Variants in PTCD3 observed in about 807,000 individuals in gnomAD.
PTCD3 encodes the protein small ribosomal subunit protein mS39.
A neutral mutation model predicts 101.9 loss-of-function variants in PTCD3; 89 were observed. The ratio of observed to expected loss-of-function variants is 0.87; its 90% CI spans 0.74 to 1.04. The LOEUF is 1.04. Among genes scored for constraint, PTCD3 ranks in the 50% least tolerant of loss-of-function variants. The pLI is 0.00. For missense variants in PTCD3, 870 were observed against 828.2 expected (o/e 1.05, Z -0.62); for synonymous variants, 296 against 278.5 (o/e 1.06, Z -0.63).
intron 13 of PTCD3, 73 bp from the exon 14 acceptor site, chr2:86,127,865 GTCT>G (rs1312194872): frequency 1.8e-6 from 2 of 1,115,550 alleles, no homozygotes; most frequent in East Asian, 4.7e-5. Context: ...AATTCAGTGT[GTCT>G]CAGTAAACTA....
chr2:86,132,191 A>T, intron 16 of PTCD3, 127 bp from the exon 17 acceptor site: 2 of 566,984 alleles, frequency 3.5e-6, no homozygotes, highest in Non-Finnish European at 6.2e-6. Context: ...CTTATAACTT[A>T]CTTGCTGTCA....
At chr2:86,125,330 T>C in intron 10 of PTCD3, 125 bp from the exon 11 acceptor site, 1 of 1,143,068 alleles carries the variant, frequency 8.7e-7, no homozygotes, top group Non-Finnish European at 1.3e-6. Flanking sequence ...CACTAGAGTA[T>C]GAGCTTCATG....
intron 8 of PTCD3, among the ~76,000 whole-genome samples, chr2:86,121,999 C>A (rs1353418806): frequency 6.6e-6 from 1 of 152,146 alleles, no homozygotes; most frequent in Non-Finnish European, 1.5e-5. Flanking sequence ...GTGCCGGGGC[C>A]CGCCTGTAAG....
At chr2:86,130,116 A>G (rs1340999632) in intron 14 of PTCD3, among the ~76,000 whole-genome samples, 1 of 152,174 alleles carries the variant, frequency 6.6e-6, no homozygotes, top group Non-Finnish European at 1.5e-5. Flanking sequence ...CCTGACCAAC[A>G]TGGGGAAACC....
intron 15 of PTCD3, 65 bp downstream of exon 15, chr2:86,130,802 A>T (rs917441088): frequency 1.3e-6 from 2 of 1,582,550 alleles, no homozygotes; most frequent in African/African-American, 1.4e-5. Flanking sequence ...CCTGAGTACC[A>T]GTTAGAGGCC....
intron 19 of PTCD3, among the ~76,000 whole-genome samples, chr2:86,133,678 C>T (rs1446972947): frequency 1.3e-5 from 2 of 152,170 alleles, no homozygotes; most frequent in Admixed American, 6.5e-5. Context: ...GTTTTGTGCA[C>T]CTGTTGCGGG....
chr2:86,130,101 ACCAG>A (rs1329958316), intron 14 of PTCD3, among the ~76,000 whole-genome samples: 1 of 152,162 alleles, frequency 6.6e-6, no homozygotes, highest in African/African-American at 2.4e-5. Context: ...GGAGTTCAAG[ACCAG>A]CCTGACCAAC....
Position 86,108,520 on chromosome 2 carries a change from C to A in PTCD3, c.178C>A (p.Pro60Thr). 1 of 1,594,306 alleles carries A rather than the reference C, an allele frequency of 6.3e-7. No homozygotes were observed. Among genetic ancestry groups the A allele is most frequent in the African/African-American group, 1.4e-5 (1 of 73,668 alleles). ...DVTGIEEVVI[P>T]KKKTWDKVAV... is the part of the protein sequence containing the mutation. ...ATTAGGGATTGAAGAAGTAGTAATT[C>A]CAAAAAAGAAAACTTGGTAAGTATT... Residue 60 changes from proline (P) to threonine (T), a missense_variant, in exon 3 of 24, where the codon CCA becomes ACA. Transcript: ENST00000254630.
Position 86,137,109 on chromosome 2 carries a change from A to G in PTCD3, c.1948A>G (p.Met650Val). Residue 650 changes from methionine (M) to valine (V), a missense_variant, in exon 23 of 24, where the codon ATG becomes GTG. Coordinates refer to ENST00000254630, the MANE Select transcript of PTCD3 (RefSeq NM_017952.6). ...PICEGLTQRV[M>V]SDFAINQEQK... ...TTGTGAGGGCCTCACCCAGAGAGTAATGAGTGATTTTGCAATCAACCAGGA... is the reference window on the plus strand; with the variant it reads ...TTGTGAGGGCCTCACCCAGAGAGTAGTGAGTGATTTTGCAATCAACCAGGA... The G allele has an allele frequency of 1.3e-6, 2 of 1,596,540 alleles. No homozygotes were observed. The highest frequency in any genetic ancestry group is 1.7e-6 in the Non-Finnish European group (2 of 1,172,824).
chr2:86,112,343 A>C (rs1329851032), intron 4 of PTCD3, among the ~76,000 whole-genome samples: 1 of 148,014 alleles, frequency 6.8e-6, no homozygotes, highest in Non-Finnish European at 1.5e-5. Flanking sequence ...GATGTGAGCC[A>C]CAGTGCCCGG....
Position 86,127,141 on chromosome 2 carries a change from C to G in PTCD3, c.952-20C>G, listed in dbSNP as rs761182921. The G allele has an allele frequency of 6.3e-7, 1 of 1,593,352 alleles. No homozygotes were observed. The highest frequency in any genetic ancestry group is 2.2e-5 in the East Asian group (1 of 44,658). Reference sequence around the variant, plus strand: ...GATTACCCAGGCATGAAAGATACTTCTTGTTTTTTATTCACCTAGGAGCTG... The same window carrying G: ...GATTACCCAGGCATGAAAGATACTTGTTGTTTTTTATTCACCTAGGAGCTG... On this transcript the variant is annotated intron_variant, in intron 12 of 23. Coordinates refer to ENST00000254630, the MANE Select transcript of PTCD3 (RefSeq NM_017952.6).
chr2:86,133,376 C>T lies in PTCD3; in HGVS notation c.1483C>T (p.His495Tyr). 6.2e-7 allele frequency: 1 copy of T among 1,614,134 alleles called. No individual in the cohort carries two copies. The highest frequency in any genetic ancestry group is 8.5e-7 in the Non-Finnish European group (1 of 1,180,000). Residue 495 changes from histidine to tyrosine, a missense_variant, in exon 19 of 24, where the codon CAT (histidine) becomes TAT (tyrosine). Physicochemically the swap from His to Tyr is moderately conservative, Grantham distance 83. Transcript: ENST00000254630. ...AYFPHSQTMI[H>Y]LLQALDVANR... ...CTTTCCCCACTCCCAAACAATGATA[C>T]ATCTTCTCCAAGCATTGGATGTGGC...
rs976458056 is a variant in PTCD3, at chr2:86,106,236, G to A, written c.-12G>A. ...GCACGCTTTCCCAACATGCTCTGCA[G>A]AGAAATCAAAGATGGCGGTTGTATC... is the stretch of plus-strand genomic sequence containing the variant. On this transcript the variant is annotated 5_prime_UTR_variant, in exon 1 of 24. Coordinates refer to ENST00000254630, the MANE Select transcript of PTCD3 (RefSeq NM_017952.6). The A allele has an allele frequency of 6.2e-7, 1 of 1,613,594 alleles. No homozygotes were observed. Among genetic ancestry groups the A allele is most frequent in the Non-Finnish European group, 8.5e-7 (1 of 1,179,798 alleles).
In PTCD3 at chr2:86,134,284, G is replaced by A. The variant is rs771392400; in HGVS notation, c.1544-8G>A. 6.3e-7 allele frequency: 1 copy of A among 1,593,432 alleles called. No individual in the cohort carries two copies. The highest frequency in any genetic ancestry group is 1.1e-5 in the South Asian group (1 of 90,412). On this transcript the variant is annotated splice_polypyrimidine_tract_variant and splice_region_variant and intron_variant, in intron 19 of 23. Transcript: ENST00000254630. ...AATGATCACTCCTTGTTCCTTTCTT[G>A]TTTCAAGATAGTAAAGAATATGGTC...
rs1212230762 is a variant in PTCD3, at chr2:86,137,490, T to C, written c.2001T>C (p.Thr667=). 2 of 1,613,480 alleles carry C rather than the reference T, an allele frequency of 1.2e-6. No homozygotes were observed. Among genetic ancestry groups the C allele is most frequent in the Non-Finnish European group, 1.7e-6 (2 of 1,179,888 alleles). Residue 667 remains threonine (T), a synonymous_variant, in exon 24 of 24, where the codon ACT becomes ACC. Transcript: ENST00000254630. ...ACAGGGAAGCCCTAAGTAATCTAACTGCATTGACCAGTGACAGTGATACTG... is the reference window on the plus strand; with the variant it reads ...ACAGGGAAGCCCTAAGTAATCTAACCGCATTGACCAGTGACAGTGATACTG... ...QEQKEALSNL[T]ALTSDSDTDS...
At position 86,118,946 on chromosome 2, in the gene PTCD3, C is replaced by T. The variant is rs763172984; in HGVS notation, c.440C>T (p.Pro147Leu). ...IPCLMPEYFE[P>L]QIKDISEAAL... ...TGTTTAATGCCTGAGTACTTTGAAC[C>T]TCAGATCAAAGACATAAGTGAAGCC... Residue 147 changes from proline to leucine, a missense_variant, in exon 7 of 24, where the codon CCT becomes CTT. Pro to Leu is a moderately conservative substitution (Grantham distance 98, BLOSUM62 -3). Transcript: ENST00000254630. The T allele has an allele frequency of 6.2e-6, 10 of 1,613,260 alleles. No homozygotes were observed. Among genetic ancestry groups the T allele is most frequent in the Middle Eastern group, 3.3e-4 (2 of 6,080 alleles).
At chr2:86,124,946 C>T (rs371679651) in intron 9 of PTCD3, 49 bp from the exon 10 acceptor site, 127 of 1,603,532 alleles carry the variant, frequency 7.9e-5, no homozygotes, top group Middle Eastern at 1.7e-4. Flanking sequence ...TGGTAGCTCT[C>T]ATTGGTATTT....
chr2:86,119,012 C>T lies in PTCD3; in HGVS notation c.506C>T (p.Ser169Phe), dbSNP rs1674232482. Residue 169 changes from serine (S) to phenylalanine (F), a missense_variant, in exon 7 of 24, where the codon TCT (serine) becomes TTT (phenylalanine). By Grantham distance (155) the Ser-to-Phe change is radical. Transcript: ENST00000254630. ...ATTGAGCTCAGAAAAGTCAAAGCCT[C>T]TGTGGACATGTTTGATCAGCTTTTG... ...ERIELRKVKASVDMFDQLLQA... is the reference protein window; with the variant it reads ...ERIELRKVKAFVDMFDQLLQA... 1 of 1,614,044 alleles carries T rather than the reference C, an allele frequency of 6.2e-7. No individual in the cohort carries two copies. Among genetic ancestry groups the T allele is most frequent in the Non-Finnish European group, 8.5e-7 (1 of 1,180,016 alleles).
At chr2:86,128,078 C>T in intron 14 of PTCD3, 87 bp downstream of exon 14, 1 of 1,088,482 alleles carries the variant, frequency 9.2e-7, no homozygotes. Context: ...TAGTTATCTT[C>T]TCTGCATATG....
Sources: allele counts gnomAD v4.1 joint callset (sites outside exome capture counted in the v4.1 genomes callset), GRCh38; gene constraint gnomAD v4.1.1; transcripts MANE v1.5; gene names NCBI Gene and HGNC (gene_info 2026-07-23, HGNC 2026-07-21).